ARHGAP32: variants seen among roughly 807,000 people sequenced by gnomAD.
The protein encoded by ARHGAP32 is rho GTPase-activating protein 32.
In ARHGAP32, 51 loss-of-function variants were observed where a neutral mutation model predicts 186.5. That is an observed-to-expected ratio of 0.27 (90% CI 0.22 to 0.35). The LOEUF is 0.35. ARHGAP32 is among the 10% of genes least tolerant of loss of function. The pLI is 1.00. For synonymous variants in ARHGAP32, 950 were observed against 964.3 expected (o/e 0.99, Z 0.27); for missense variants, 2,186 against 2,623.5 (o/e 0.83, Z 3.64).
At chr11:129,178,405 C>T (rs1943969074) in intron 1 of ARHGAP32, among the ~76,000 whole-genome samples, 1 of 151,760 alleles carries the variant, frequency 6.6e-6, no homozygotes, top group African/African-American at 2.4e-5. Flanking sequence ...CCCCATCAAG[C>T]TACCAATGAC....
chr11:129,097,387 T>G (rs1474685494), intron 5 of ARHGAP32, among the ~76,000 whole-genome samples: 1 of 152,120 alleles, frequency 6.6e-6, no homozygotes, highest in South Asian at 2.1e-4. Context: ...ACAACTATCT[T>G]AAAGATGTTC....
intron 10 of ARHGAP32, among the ~76,000 whole-genome samples, chr11:129,047,082 C>G (rs558854831): frequency 6.7e-6 from 1 of 150,200 alleles, no homozygotes; most frequent in Non-Finnish European, 1.5e-5. Flanking sequence ...GAGCAGATAT[C>G]GAGCCACTGC....
intron 6 of ARHGAP32, among the ~76,000 whole-genome samples, chr11:129,080,751 A>G (rs931131214): frequency 6.6e-6 from 1 of 152,048 alleles, no homozygotes; most frequent in Non-Finnish European, 1.5e-5. Flanking sequence ...AATAACCAAG[A>G]TCAGAGCAGA....
chr11:129,158,556 T>C lies in ARHGAP32; in HGVS notation c.225+5763A>G, dbSNP rs142971282. On this transcript the variant is annotated intron_variant, in intron 2 of 22. Coordinates refer to ENST00000682385, the MANE Select transcript of ARHGAP32 (RefSeq NM_001378024.1). ...CCCAATACAGGAGCACTCAGATGCATAGAGCAAGTTTTTAGAGACCTACAA... is the reference window on the plus strand; with the variant it reads ...CCCAATACAGGAGCACTCAGATGCACAGAGCAAGTTTTTAGAGACCTACAA... 7.2e-4 allele frequency among the ~76,000 whole-genome samples: 109 copies of C among 152,160 alleles called. 2 individuals carry two copies. In the East Asian group the frequency reaches 0.019, roughly 26 times the overall value.
At chr11:129,086,743 C>T (rs1057502176) in intron 6 of ARHGAP32, among the ~76,000 whole-genome samples, 9 of 151,300 alleles carry the variant, frequency 5.9e-5, no homozygotes, top group Non-Finnish European at 1.2e-4. Flanking sequence ...ATGGCGTGAA[C>T]CCGGGAGGCA....
chr11:129,225,768 T>C (rs1450669144), intron 1 of ARHGAP32, among the ~76,000 whole-genome samples: 1 of 152,076 alleles, frequency 6.6e-6, no homozygotes, highest in Non-Finnish European at 1.5e-5. Flanking sequence ...AAACAATCAA[T>C]AGAAACTGAC....
chr11:129,016,446 GGAGA>G (rs759179530), intron 11 of ARHGAP32, among the ~76,000 whole-genome samples: 24 of 151,884 alleles, frequency 1.6e-4, no homozygotes, highest in Admixed American at 6.6e-5. Context: ...TGTTTTTTAG[GGAGA>G]GATATATACT....
chr11:128,987,851 G>T (rs1280615463), intron 13 of ARHGAP32, among the ~76,000 whole-genome samples, 172 bp downstream of exon 13: 1 of 152,020 alleles, frequency 6.6e-6, no homozygotes, highest in African/African-American at 2.4e-5. Flanking sequence ...TACTACAGAT[G>T]AAAAAAATGC....
At chr11:129,043,965 A>T (rs1032292071) in intron 10 of ARHGAP32, among the ~76,000 whole-genome samples, 6 of 152,282 alleles carry the variant, frequency 3.9e-5, no homozygotes, top group African/African-American at 1.4e-4. Flanking sequence ...AACTTGCAAT[A>T]AAGTGGAAAC....
chr11:129,015,896 A>G (rs1938313722), intron 11 of ARHGAP32, among the ~76,000 whole-genome samples: 1 of 152,182 alleles, frequency 6.6e-6, no homozygotes, highest in South Asian at 2.1e-4. Flanking sequence ...GGCACAAGTG[A>G]CAGGACTTCT....
intron 2 of ARHGAP32, among the ~76,000 whole-genome samples, chr11:129,146,452 T>C (rs375571002): frequency 4.6e-4 from 70 of 152,282 alleles, no homozygotes; most frequent in African/African-American, 1.6e-3. Flanking sequence ...TACATTAGTA[T>C]ATACAGGGTT....
intron 2 of ARHGAP32, among the ~76,000 whole-genome samples, chr11:129,147,705 C>T (rs1022294147): frequency 2.0e-5 from 3 of 152,168 alleles, no homozygotes; most frequent in African/African-American, 7.2e-5. Context: ...AATGGTTGCT[C>T]TATAAGAGTA....
chr11:129,007,445 T>C (rs1937845742), intron 11 of ARHGAP32, among the ~76,000 whole-genome samples: 1 of 151,858 alleles, frequency 6.6e-6, no homozygotes, highest in Non-Finnish European at 1.5e-5. Context: ...TGAGGCCTGC[T>C]AAGACTGAGT....
At chr11:129,058,227 T>A (rs1940339033) in intron 10 of ARHGAP32, among the ~76,000 whole-genome samples, 1 of 135,090 alleles carries the variant, frequency 7.4e-6, no homozygotes, top group South Asian at 2.3e-4. Flanking sequence ...ACACACTCTC[T>A]CTCTCTCTCT....
At chr11:128,990,148 C>T (rs769283547) in intron 12 of ARHGAP32, among the ~76,000 whole-genome samples, 12 of 152,172 alleles carry the variant, frequency 7.9e-5, no homozygotes, top group South Asian at 4.1e-4. Flanking sequence ...TCTCCCATAA[C>T]GCTCTTCGTA....
chr11:129,227,391 G>A (rs933007346), intron 1 of ARHGAP32, among the ~76,000 whole-genome samples: 1 of 151,406 alleles, frequency 6.6e-6, no homozygotes, highest in African/African-American at 2.4e-5. Flanking sequence ...ATGGCAAAAT[G>A]GCAGAAATAA....
At position 129,123,785 on chromosome 11, in the gene ARHGAP32, G is replaced by T; in HGVS notation, c.359+103C>A. On this transcript the variant is annotated intron_variant, in intron 4 of 22. Transcript: ENST00000682385. The surrounding 1 kb of genome is among the most constrained non-coding windows in gnomAD (Gnocchi z 4.6). ...TCTCCTAATTTTGACCCGAATCAAT[G>T]TCCATAGAAAAACTGCTATTTTCGG... is the stretch of plus-strand genomic sequence containing the variant. The T allele has an allele frequency of 2.0e-6, 2 of 986,824 alleles. No individual in the cohort carries two copies. The highest frequency in any genetic ancestry group is 2.8e-6 in the Non-Finnish European group (2 of 709,336). The allele number at this position is 986,824 out of a possible 1,614,324, so 61.1% of individuals were successfully genotyped here.
intron 12 of ARHGAP32, among the ~76,000 whole-genome samples, chr11:128,990,131 T>C (rs75608426): frequency 0.011 from 1,631 of 152,318 alleles, 26 homozygotes; most frequent in African/African-American, 0.036. Context: ...TTCCTCTAGC[T>C]GGACTCTCTC....
At chr11:129,236,043 A>T (rs1204555505) in intron 1 of ARHGAP32, among the ~76,000 whole-genome samples, 1 of 152,126 alleles carries the variant, frequency 6.6e-6, no homozygotes, top group African/African-American at 2.4e-5. Flanking sequence ...ATGTGCAAGT[A>T]TCTTTTTCGA....
Sources: allele counts gnomAD v4.1 joint callset (sites outside exome capture counted in the v4.1 genomes callset), GRCh38; gene constraint gnomAD v4.1.1; non-coding constraint Gnocchi (gnomAD v3.1); transcripts MANE v1.5; gene names NCBI Gene and HGNC (gene_info 2026-07-23, HGNC 2026-07-21).